The following PPIL2 variants were observed in gnomAD, a reference collection of about 807,000 sequenced individuals.
PPIL2 encodes the protein peptidylprolyl isomerase like 2.
A neutral mutation model predicts 75.2 loss-of-function variants in PPIL2; 50 were observed. The ratio of observed to expected loss-of-function variants is 0.66; its 90% CI spans 0.53 to 0.84. PPIL2 has a LOEUF of 0.84. Ranked by LOEUF, PPIL2 falls within the 40% of genes least tolerant of loss-of-function variation. The pLI, the probability that PPIL2 is intolerant of heterozygous loss-of-function variation, is 0.00. For missense variants in PPIL2, 590 were observed against 685.0 expected (o/e 0.86, Z 1.55); for synonymous variants, 245 against 258.8 (o/e 0.95, Z 0.51).
chr22:21,686,515 C>G lies in PPIL2; in HGVS notation c.747C>G (p.Ser249=). The G allele has an allele frequency of 1.2e-6, 2 of 1,614,174 alleles. No individual in the cohort carries two copies. The highest frequency in any genetic ancestry group is 1.7e-6 in the Non-Finnish European group (2 of 1,180,010). Residue 249 remains serine, a synonymous_variant, in exon 11 of 20, where the codon TCC becomes TCG. Transcript: ENST00000398831. Reference sequence around the variant, plus strand: ...ATTCCACAGGGAAGGTCAGCGCTTCCTTCACCTCCACCGCGATGGTCCCGG... The same window carrying G: ...ATTCCACAGGGAAGGTCAGCGCTTCGTTCACCTCCACCGCGATGGTCCCGG... ...AHYSTGKVSA[S]FTSTAMVPET... is the part of the protein sequence containing the mutation.
intron 9 of PPIL2, 40 bp from the exon 10 acceptor site, chr22:21,684,713 T>C (rs762192684): frequency 1.9e-6 from 3 of 1,607,308 alleles, no homozygotes; most frequent in East Asian, 2.2e-5. Flanking sequence ...GGGAGGCTAC[T>C]GGGGGCTCGG....
chr22:21,674,671 A>G (rs1181515124), intron 5 of PPIL2, among the ~76,000 whole-genome samples: 1 of 152,212 alleles, frequency 6.6e-6, no homozygotes, highest in Non-Finnish European at 1.5e-5. Flanking sequence ...GCTGTACTCC[A>G]GCCTGGTGAC....
intron 15 of PPIL2, among the ~76,000 whole-genome samples, chr22:21,689,800 G>A (rs528607028): frequency 1.3e-5 from 2 of 152,294 alleles, no homozygotes; most frequent in Non-Finnish European, 2.9e-5. Context: ...GAGGGTGGCT[G>A]ACTTTTTAGA....
At chr22:21,669,342 T>A (rs2066531634) in intron 1 of PPIL2, 2 of 452,522 alleles carry the variant, frequency 4.4e-6, no homozygotes, top group Non-Finnish European at 8.9e-6. Flanking sequence ...AGAGACAGAT[T>A]CTCGCTTTGT....
chr22:21,669,610 C>T (rs1371298796), intron 1 of PPIL2, among the ~76,000 whole-genome samples: 1 of 152,184 alleles, frequency 6.6e-6, no homozygotes, highest in Non-Finnish European at 1.5e-5. Context: ...AAGCAATTCT[C>T]TGCTTCAGCC....
At position 21,697,015 on chromosome 22, in the gene PPIL2, T is replaced by C. The variant is rs2067964702; in HGVS notation, c.*1525T>C. ...CCTTCTCTTCTCCAGCCCATCCCTCTGCAGCCTGTCATCCCTGTCTGTGAC... is the reference window on the plus strand; with the variant it reads ...CCTTCTCTTCTCCAGCCCATCCCTCCGCAGCCTGTCATCCCTGTCTGTGAC... On this transcript the variant is annotated 3_prime_UTR_variant, in exon 20 of 20. Coordinates refer to ENST00000398831, the MANE Select transcript of PPIL2 (RefSeq NM_014337.4). 1.1e-5 allele frequency: 17 copies of C among 1,541,130 alleles called. No individual in the cohort carries two copies. The South Asian group carries it at 1.9e-4, about 17-fold the overall frequency.
chr22:21,682,471 TC>T lies in PPIL2; in HGVS notation c.424del (p.Arg142GlyfsTer4). 1 of 1,613,916 alleles carries T rather than the reference TC, an allele frequency of 6.2e-7. No homozygotes were observed. Among genetic ancestry groups the T allele is most frequent in the Non-Finnish European group, 8.5e-7 (1 of 1,179,968 alleles). ...CAGCTAAATATCAAGGCCAAGAACT[TC>T]CGGGACCTGCTGACCGACGAGCCCT... ...VEQLNIKAKNFRDLLTDEPFS... is the reference protein window; with the variant it reads ...VEQLNIKAKNXRDLLTDEPFS... On this transcript the variant is annotated frameshift_variant, in exon 8 of 20. Transcript: ENST00000398831. LOFTEE classifies it high-confidence loss of function.
At chr22:21,672,471 A>C (rs1297944664) in intron 5 of PPIL2, 90 bp downstream of exon 5, 1 of 1,338,892 alleles carries the variant, frequency 7.5e-7, no homozygotes, top group African/African-American at 1.4e-5. Flanking sequence ...GAACACAGGA[A>C]CATGGGAGAG....
At chr22:21,676,306 A>ATT (rs200463191) in intron 6 of PPIL2, among the ~76,000 whole-genome samples, 12 of 23,344 alleles carry the variant, frequency 5.1e-4, no homozygotes, top group Middle Eastern at 0.029. Flanking sequence ...TTATTTATTT[A>ATT]TTTTGTGTGT....
chr22:21,699,911 A>G (rs2068047786), downstream of PPIL2: 1 of 152,478 alleles, frequency 6.6e-6, no homozygotes, highest in African/African-American at 2.4e-5. Flanking sequence ...CACCTCAGTA[A>G]GGGCACCTCT....
At position 21,681,328 on chromosome 22, in the gene PPIL2, G is replaced by T; in HGVS notation, c.325G>T (p.Val109Leu). Residue 109 changes from valine (V) to leucine (L), a missense_variant, in exon 7 of 20, where the codon GTG becomes TTG. Coordinates refer to ENST00000398831, the MANE Select transcript of PPIL2 (RefSeq NM_014337.4). ...GKYHCPVLFTVFTNNTHIVAV... is the reference protein window; with the variant it reads ...GKYHCPVLFTLFTNNTHIVAV... ...GTACCACTGCCCAGTGCTGTTTACC[G>T]TGTTCACCAACAACACCCACATCGT... The T allele has an allele frequency of 6.2e-7, 1 of 1,614,096 alleles. No homozygotes were observed. The highest frequency in any genetic ancestry group is 8.5e-7 in the Non-Finnish European group (1 of 1,179,922).
intron 1 of PPIL2, among the ~76,000 whole-genome samples, chr22:21,666,763 C>A (rs1168660760): frequency 6.6e-6 from 1 of 152,112 alleles, no homozygotes; most frequent in Non-Finnish European, 1.5e-5. Flanking sequence ...GAGCCGAGAT[C>A]GTGTCACTGC....
chr22:21,678,655 T>C (rs1442100106), intron 6 of PPIL2, among the ~76,000 whole-genome samples: 2 of 152,204 alleles, frequency 1.3e-5, no homozygotes, highest in Non-Finnish European at 2.9e-5. Flanking sequence ...CTGTCTTTGC[T>C]CCCACCAGTA....
At chr22:21,685,790 A>G (rs142871026) in intron 10 of PPIL2, 202 of 380,036 alleles carry the variant, frequency 5.3e-4, no homozygotes, top group African/African-American at 3.7e-3. Context: ...TTCTTCCTCT[A>G]TGATAAAAAA....
chr22:21,683,287 A>G (rs770517595), intron 9 of PPIL2, 30 bp downstream of exon 9: 1 of 1,574,076 alleles, frequency 6.4e-7, no homozygotes, highest in Non-Finnish European at 8.7e-7. Flanking sequence ...GGGCTAGGCG[A>G]GGGGGCTTTT....
Position 21,666,044 on chromosome 22 carries a change from T to G in PPIL2, c.-56T>G. On this transcript the variant is annotated 5_prime_UTR_variant, in exon 1 of 20. Transcript: ENST00000398831. Reference sequence around the variant, plus strand: ...ACGGAACTCGGCTGCGGCTCCATGGTCTGAGTTGTCAGCCGTTGTTTTTTC... The same window carrying G: ...ACGGAACTCGGCTGCGGCTCCATGGGCTGAGTTGTCAGCCGTTGTTTTTTC... 6.3e-7 allele frequency: 1 copy of G among 1,598,168 alleles called. No homozygotes were observed. The highest frequency in any genetic ancestry group is 8.5e-7 in the Non-Finnish European group (1 of 1,170,744).
Position 21,682,595 on chromosome 22 carries a change from C to CTGCCTCCTCAGTGTAGCTCTTACATCT in PPIL2, c.477+69_477+70insTGCCTCCTCAGTGTAGCTCTTACATCT. 4 of 1,280,428 alleles carry CTGCCTCCTCAGTGTAGCTCTTACATCT rather than the reference C, an allele frequency of 3.1e-6. No individual in the cohort carries two copies. In the African/African-American group the frequency reaches 4.8e-5, roughly 15 times the overall value. 79.3% of individuals were successfully genotyped at this position (1,280,428 alleles called of 1,614,324 possible). On this transcript the variant is annotated intron_variant, in intron 8 of 19. Coordinates refer to ENST00000398831, the MANE Select transcript of PPIL2 (RefSeq NM_014337.4). ...GCAGCCAGCCCAGGCCTCTACAGGG[C>CTGCCTCCTCAGTGTAGCTCTTACATCT]CCTACCCCCACGTCAGGGCCCCTCA...
In PPIL2 at chr22:21,697,164, C is replaced by T; in HGVS notation, c.*1674C>T. 1 of 663,360 alleles carries T rather than the reference C, an allele frequency of 1.5e-6. No homozygotes were observed. The highest frequency in any genetic ancestry group is 1.9e-5 in the South Asian group (1 of 52,192). The allele number at this position is 663,360 out of a possible 1,614,324, so 41.1% of individuals were successfully genotyped here. A position where few individuals can be genotyped will look rare whatever the true frequency, so the allele number is the denominator to read the frequency against. Reference sequence around the variant, plus strand: ...ACTGGCTTGTAAGAGGCTCAGACACCAAGCTGGGCCTGCAGAGGAGGGGCA... The same window carrying T: ...ACTGGCTTGTAAGAGGCTCAGACACTAAGCTGGGCCTGCAGAGGAGGGGCA... On this transcript the variant is annotated 3_prime_UTR_variant, in exon 20 of 20. Coordinates refer to ENST00000398831, the MANE Select transcript of PPIL2 (RefSeq NM_014337.4).
chr22:21,686,203 A>G (rs1295289928), intron 10 of PPIL2, among the ~76,000 whole-genome samples: 1 of 152,204 alleles, frequency 6.6e-6, no homozygotes, highest in Admixed American at 6.5e-5. Context: ...AGTCAGCCAT[A>G]CACTCCTAAC....
Sources: allele counts gnomAD v4.1 joint callset (sites outside exome capture counted in the v4.1 genomes callset), GRCh38; gene constraint gnomAD v4.1.1; transcripts MANE v1.5; gene names NCBI Gene and HGNC (gene_info 2026-07-23, HGNC 2026-07-21).